ENOX1: variants seen among roughly 807,000 people sequenced by gnomAD.
ENOX1 encodes ecto-NOX disulfide-thiol exchanger 1.
Under a neutral mutation model 82.5 loss-of-function variants are expected in ENOX1, and 42 were observed. The ratio of observed to expected loss-of-function variants is 0.51; its 90% CI spans 0.40 to 0.66. The LOEUF (loss-of-function observed/expected upper bound fraction) is 0.66, where lower values mean the gene tolerates loss of function less well. ENOX1 is among the 30% of genes least tolerant of loss of function. The probability of loss-of-function intolerance (pLI) is 0.00; values close to 1 mark genes in which losing one functional copy is unlikely to be tolerated. For synonymous variants in ENOX1, 271 were observed against 282.2 expected, an observed-to-expected ratio of 0.96 and a Z score of 0.40; for missense variants, 608 against 811.6, an observed-to-expected ratio of 0.75 and a Z score of 3.05.
chr13:43,264,010 A>G (rs1039319126), intron 14 of ENOX1, among the ~76,000 whole-genome samples: 2 of 152,178 alleles, frequency 1.3e-5, no homozygotes, highest in African/African-American at 4.8e-5. Context: ...TTGGCTTTCT[A>G]CTTTCTCAAT....
chr13:43,233,792 G>C (rs2042395243), intron 15 of ENOX1, among the ~76,000 whole-genome samples: 1 of 152,186 alleles, frequency 6.6e-6, no homozygotes, highest in South Asian at 2.1e-4. Context: ...GCCAATTAAT[G>C]TTTCCAAGTT....
At chr13:43,316,651 C>T (rs1418312081) in intron 11 of ENOX1, among the ~76,000 whole-genome samples, 1 of 150,996 alleles carries the variant, frequency 6.6e-6, no homozygotes, top group Non-Finnish European at 1.5e-5. Context: ...AAATTCTACA[C>T]TTTTCAGAAG....
At chr13:43,573,680 TC>T (rs1383742292) in intron 2 of ENOX1, among the ~76,000 whole-genome samples, 4 of 152,168 alleles carry the variant, frequency 2.6e-5, no homozygotes, top group African/African-American at 4.8e-5. Context: ...GCTACACATT[TC>T]ATTCCATAGT....
At chr13:43,309,360 T>C (rs1315934560) in intron 11 of ENOX1, among the ~76,000 whole-genome samples, 1 of 151,848 alleles carries the variant, frequency 6.6e-6, no homozygotes, top group Admixed American at 6.6e-5. Flanking sequence ...GACTCTAAAC[T>C]CCCCCTGCCA....
chr13:43,387,744 A>C (rs2052513609), intron 5 of ENOX1, among the ~76,000 whole-genome samples: 1 of 152,138 alleles, frequency 6.6e-6, no homozygotes, highest in Admixed American at 6.6e-5. Context: ...AAACATATAA[A>C]TATGTAAATG....
intron 12 of ENOX1, among the ~76,000 whole-genome samples, chr13:43,286,092 C>A (rs1478490738): frequency 6.6e-6 from 1 of 152,102 alleles, no homozygotes; most frequent in African/African-American, 2.4e-5. Flanking sequence ...CTATAGACAG[C>A]CAACCATGTT....
chr13:43,650,843 G>A (rs1403236702), intron 2 of ENOX1, among the ~76,000 whole-genome samples: 1 of 152,106 alleles, frequency 6.6e-6, no homozygotes, highest in Non-Finnish European at 1.5e-5. Flanking sequence ...CGTCTCAAAA[G>A]CAAAACAAAA....
At chr13:43,570,733 T>A (rs1593873858) in intron 2 of ENOX1, among the ~76,000 whole-genome samples, 1 of 152,196 alleles carries the variant, frequency 6.6e-6, no homozygotes, top group South Asian at 2.1e-4. Context: ...AACTGTGGCT[T>A]AAGCAAGAAG....
intron 2 of ENOX1, among the ~76,000 whole-genome samples, chr13:43,484,846 A>G (rs894102524): frequency 2.6e-5 from 4 of 152,220 alleles, no homozygotes; most frequent in African/African-American, 9.6e-5. Context: ...CCCAGCTTTA[A>G]GCAGTATATT....
intron 2 of ENOX1, among the ~76,000 whole-genome samples, chr13:43,621,828 A>G (rs1016064502): frequency 1.3e-5 from 2 of 152,136 alleles, no homozygotes; most frequent in Non-Finnish European, 2.9e-5. Context: ...GTCTTCTTCA[A>G]TTATTCCCCC....
chr13:43,228,370 T>C (rs1231584904), intron 15 of ENOX1, among the ~76,000 whole-genome samples: 1 of 152,138 alleles, frequency 6.6e-6, no homozygotes, highest in Non-Finnish European at 1.5e-5. Flanking sequence ...GGCCTCCATA[T>C]TGGAGAATGG....
intron 1 of ENOX1, among the ~76,000 whole-genome samples, chr13:43,726,747 TGTGTGTGAGA>T (rs1399357513): frequency 1.5e-5 from 2 of 135,768 alleles, no homozygotes; most frequent in African/African-American, 6.1e-5. Context: ...TGTGTGTGTG[TGTGTGTGAGA>T]GAGAGACAGG....
At chr13:43,470,351 TATGTATATATATAC>T (rs2057984923) in intron 3 of ENOX1, among the ~76,000 whole-genome samples, 1 of 44,344 alleles carries the variant, frequency 2.3e-5, no homozygotes, top group African/African-American at 8.5e-5. Flanking sequence ...CGTATATATA[TATGTATATATATAC>T]GTATATATAT....
intron 11 of ENOX1, among the ~76,000 whole-genome samples, chr13:43,318,248 C>T (rs1177495886): frequency 6.6e-6 from 1 of 152,204 alleles, no homozygotes. Flanking sequence ...GTACACTCAT[C>T]AAATATTGGG....
At chr13:43,361,607 A>G (rs73178368) in intron 5 of ENOX1, among the ~76,000 whole-genome samples, 155 bp from the exon 6 acceptor site, 2 of 152,348 alleles carry the variant, frequency 1.3e-5, no homozygotes, top group African/African-American at 2.4e-5. Flanking sequence ...CTATGCCAGA[A>G]GGGTAAAGAG....
intron 5 of ENOX1, among the ~76,000 whole-genome samples, chr13:43,368,589 T>C (rs948277779): frequency 6.6e-6 from 1 of 152,214 alleles, no homozygotes; most frequent in Non-Finnish European, 1.5e-5. Context: ...GAGCGGTTTC[T>C]GTGCAGAGGA....
At chr13:43,569,300 C>G (rs955663193) in intron 2 of ENOX1, among the ~76,000 whole-genome samples, 4 of 152,056 alleles carry the variant, frequency 2.6e-5, no homozygotes, top group Non-Finnish European at 5.9e-5. Flanking sequence ...TAAAGATCAC[C>G]TAGGGCAGAC....
At chr13:43,379,389 C>A (rs898036783) in intron 5 of ENOX1, among the ~76,000 whole-genome samples, 3 of 151,824 alleles carry the variant, frequency 2.0e-5, no homozygotes, top group South Asian at 2.1e-4. Flanking sequence ...AATTCGTAGA[C>A]AAAAATATTA....
At position 43,339,483 on chromosome 13, in the gene ENOX1, A is replaced by G. The variant is rs190143921; in HGVS notation, c.1036+5055T>C. The stretch of plus-strand genomic sequence containing the variant: ...GCTTTTACCATGCTTTGAATTCTGC[A>G]ATGTACCTGATCTTCCCTAGAAGCT... On this transcript the variant is annotated intron_variant, in intron 9 of 16. Coordinates refer to ENST00000690772, the MANE Select transcript of ENOX1 (RefSeq NM_001347969.2). Among the ~76,000 whole-genome samples the G allele has an allele frequency of 1.9e-3, 285 of 152,308 alleles. 10 individuals carry two copies. The South Asian group carries it at 0.052, about 28-fold the overall frequency.
Sources: allele counts gnomAD v4.1 joint callset (sites outside exome capture counted in the v4.1 genomes callset), GRCh38; gene constraint gnomAD v4.1.1; transcripts MANE v1.5; gene names NCBI Gene and HGNC (gene_info 2026-07-23, HGNC 2026-07-21).